The following DOCK5 variants were observed in gnomAD, a reference collection of about 807,000 sequenced individuals.
DOCK5 encodes the protein dedicator of cytokinesis protein 5.
A neutral mutation model predicts 251.8 loss-of-function variants in DOCK5; 142 were observed. That is an observed-to-expected ratio of 0.56 (90% CI 0.49 to 0.65). The LOEUF (loss-of-function observed/expected upper bound fraction) is 0.65. Among genes scored for constraint, DOCK5 ranks in the 30% least tolerant of loss-of-function variants. DOCK5 has a pLI of 0.00. For synonymous variants in DOCK5, 842 were observed against 835.5 expected (o/e 1.01, Z -0.13); for missense variants, 2,111 against 2,312.3 (o/e 0.91, Z 1.79).
At chr8:25,303,031 C>T (rs575697724) in intron 10 of DOCK5, among the ~76,000 whole-genome samples, 29 of 152,080 alleles carry the variant, frequency 1.9e-4, no homozygotes, top group Non-Finnish European at 1.6e-4. Flanking sequence ...TGCCACTGAA[C>T]GGAATACTTT....
intron 22 of DOCK5, among the ~76,000 whole-genome samples, chr8:25,337,004 G>T (rs1360116812): frequency 6.6e-6 from 1 of 152,028 alleles, no homozygotes; most frequent in East Asian, 1.9e-4. Context: ...ATTTTTAAAA[G>T]AAACTTTATT....
At chr8:25,238,497 G>A (rs1802857767) in intron 1 of DOCK5, among the ~76,000 whole-genome samples, 1 of 152,192 alleles carries the variant, frequency 6.6e-6, no homozygotes, top group Non-Finnish European at 1.5e-5. Context: ...TTGTGCTTTT[G>A]CCCAGAGACA....
At chr8:25,361,745 G>GCA (rs879527330) in intron 28 of DOCK5, among the ~76,000 whole-genome samples, 31 of 152,128 alleles carry the variant, frequency 2.0e-4, no homozygotes, top group Non-Finnish European at 3.7e-4. Context: ...ATCCACAGTT[G>GCA]CACACACACA....
At chr8:25,352,546 ACTTCCTATATTAAAAG>A (rs1800490159) in intron 27 of DOCK5, among the ~76,000 whole-genome samples, 2 of 152,308 alleles carry the variant, frequency 1.3e-5, no homozygotes, top group Middle Eastern at 3.4e-3. Context: ...AGCATCTTTT[ACTTCCTATATTAAAAG>A]CTTCCTATAT....
In DOCK5 at chr8:25,408,913, C is replaced by G; in HGVS notation, c.5377C>G (p.Leu1793Val). 1 of 1,613,980 alleles carries G rather than the reference C, an allele frequency of 6.2e-7. No individual in the cohort carries two copies. The highest frequency in any genetic ancestry group is 8.5e-7 in the Non-Finnish European group (1 of 1,179,898). Reference sequence around the variant, plus strand: ...GTCAACACCCTTGAGCCCACCTCCACTCACTCCCAAAGCCACCAGGACCCT... The same window carrying G: ...GTCAACACCCTTGAGCCCACCTCCAGTCACTCCCAAAGCCACCAGGACCCT... ...PQSTPLSPPP[L>V]TPKATRTLSS... Residue 1793 changes from leucine (L) to valine (V), a missense_variant, in exon 50 of 52, where the codon CTC becomes GTC. Around this residue, in one of 3 missense-constraint regions of DOCK5, gnomAD observed 1,717 missense variants for 1,892.4 expected, o/e 0.91. Transcript: ENST00000276440.
intron 2 of DOCK5, among the ~76,000 whole-genome samples, chr8:25,259,560 A>G (rs1483444922): frequency 6.6e-6 from 1 of 152,174 alleles, no homozygotes; most frequent in African/African-American, 2.4e-5. Context: ...AGCTCAAGTG[A>G]TCCTCCCGCC....
intron 1 of DOCK5, among the ~76,000 whole-genome samples, chr8:25,185,611 C>T (rs1019978539): frequency 1.3e-5 from 2 of 152,148 alleles, no homozygotes; most frequent in African/African-American, 4.8e-5. Context: ...CGGAGCCTGT[C>T]TGGAGAGGGT....
intron 47 of DOCK5, 62 bp from the exon 48 acceptor site, chr8:25,403,496 G>A (rs1286231802): frequency 6.4e-7 from 1 of 1,573,522 alleles, no homozygotes; most frequent in Non-Finnish European, 8.7e-7. Context: ...CAGGGCAGCT[G>A]TGGCCAGTTC....
chr8:25,219,085 TC>T (rs1422695067), intron 1 of DOCK5, among the ~76,000 whole-genome samples: 3 of 152,200 alleles, frequency 2.0e-5, no homozygotes, highest in Admixed American at 6.5e-5. Context: ...TTTACTGACT[TC>T]CGCTATCTGT....
At chr8:25,199,830 AGGTGCT>A (rs10550262) in intron 1 of DOCK5, among the ~76,000 whole-genome samples, 22,041 of 151,994 alleles carry the variant, frequency 0.15, 2,634 homozygotes, top group African/African-American at 0.34. Context: ...GTGGAACCAG[AGGTGCT>A]GGTGCTGGTG....
chr8:25,285,156 T>C (rs4872304), intron 5 of DOCK5, among the ~76,000 whole-genome samples: 10,592 of 152,184 alleles, frequency 0.07, 556 homozygotes, highest in African/African-American at 0.14. Context: ...TTATTATTTT[T>C]TTTTTTGAGA....
At chr8:25,311,567 A>C (rs1586318406) in intron 13 of DOCK5, among the ~76,000 whole-genome samples, 3 of 151,504 alleles carry the variant, frequency 2.0e-5, no homozygotes, top group East Asian at 3.9e-4. Context: ...AGAAAAAAGA[A>C]AAACAACCAT....
At chr8:25,246,484 G>T (rs1438572887) in intron 2 of DOCK5, among the ~76,000 whole-genome samples, 2 of 152,102 alleles carry the variant, frequency 1.3e-5, no homozygotes, top group Non-Finnish European at 2.9e-5. Context: ...ATGTTGGCCA[G>T]GCTGGTCTCG....
At chr8:25,299,321 C>A in intron 8 of DOCK5, 1 of 491,084 alleles carries the variant, frequency 2.0e-6, no homozygotes, top group East Asian at 3.5e-5. Flanking sequence ...ATTTAGAGAT[C>A]ACATAAAACT....
intron 3 of DOCK5, among the ~76,000 whole-genome samples, chr8:25,273,315 T>C (rs777228062): frequency 4.6e-5 from 7 of 152,224 alleles, no homozygotes; most frequent in Non-Finnish European, 1.0e-4. Context: ...AAAAATTAAA[T>C]AGACCAGGCA....
At chr8:25,254,080 C>A (rs1803347148) in intron 2 of DOCK5, among the ~76,000 whole-genome samples, 1 of 152,108 alleles carries the variant, frequency 6.6e-6, no homozygotes, top group Non-Finnish European at 1.5e-5. Flanking sequence ...CACAAATAGA[C>A]CCACACAAAT....
At chr8:25,242,308 T>C (rs1802975647) in intron 1 of DOCK5, among the ~76,000 whole-genome samples, 1 of 152,164 alleles carries the variant, frequency 6.6e-6, no homozygotes, top group Admixed American at 6.5e-5. Context: ...TGTAGACACA[T>C]GGCTTCATTT....
At chr8:25,407,923 T>G in intron 48 of DOCK5, 60 bp from the exon 49 acceptor site, 2 of 1,492,912 alleles carry the variant, frequency 1.3e-6, no homozygotes, top group Non-Finnish European at 1.8e-6. Flanking sequence ...ACTTTCATAG[T>G]GAATTTTGAT....
At chr8:25,390,926 A>C (rs1801246777) in intron 42 of DOCK5, among the ~76,000 whole-genome samples, 2 of 152,124 alleles carry the variant, frequency 1.3e-5, no homozygotes, top group South Asian at 4.2e-4. Context: ...CTCCTGCCTC[A>C]GCCTCCCAAG....
Sources: allele counts gnomAD v4.1 joint callset (sites outside exome capture counted in the v4.1 genomes callset), GRCh38; gene constraint gnomAD v4.1.1; regional missense constraint gnomAD v4.1.1; transcripts MANE v1.5; gene names NCBI Gene and HGNC (gene_info 2026-07-23, HGNC 2026-07-21).